RCBTB2: variants seen among roughly 807,000 people sequenced by gnomAD.
The protein encoded by RCBTB2 is RCC1 and BTB domain-containing protein 2.
RCBTB2 carries 55 observed loss-of-function variants against 65.4 expected under a neutral mutation model. The ratio of observed to expected loss-of-function variants is 0.84; its 90% CI spans 0.68 to 1.05. RCBTB2 has a LOEUF of 1.05. RCBTB2 is among the 50% of genes least tolerant of loss of function. The pLI is 0.00. For synonymous variants in RCBTB2, 220 were observed against 255.2 expected, an observed-to-expected ratio of 0.86 and a Z score of 1.31; for missense variants, 599 against 680.1, an observed-to-expected ratio of 0.88 and a Z score of 1.33.
chr13:48,513,123 C>G (rs1261841310), intron 6 of RCBTB2, among the ~76,000 whole-genome samples: 1 of 152,130 alleles, frequency 6.6e-6, no homozygotes, highest in African/African-American at 2.4e-5. Context: ...GTTATAATAA[C>G]TGGAAAATAA....
At chr13:48,498,540 G>C (rs750190692) in intron 13 of RCBTB2, among the ~76,000 whole-genome samples, 13 of 152,156 alleles carry the variant, frequency 8.5e-5, no homozygotes, top group Non-Finnish European at 1.8e-4. Flanking sequence ...AGACCAGCCT[G>C]ACCAACACGG....
At chr13:48,527,167 G>A (rs1951786668) in intron 1 of RCBTB2, among the ~76,000 whole-genome samples, 1 of 150,998 alleles carries the variant, frequency 6.6e-6, no homozygotes, top group African/African-American at 2.4e-5. Context: ...CAACAGTATT[G>A]GGAAGATTTT....
chr13:48,499,351 A>T (rs1399643111), intron 13 of RCBTB2, among the ~76,000 whole-genome samples: 2 of 152,146 alleles, frequency 1.3e-5, no homozygotes, highest in Admixed American at 6.5e-5. Flanking sequence ...AGACACGGGG[A>T]TCTGCTGCAT....
At chr13:48,496,394 C>A in intron 13 of RCBTB2, 73 bp from the exon 14 acceptor site, 1 of 1,402,844 alleles carries the variant, frequency 7.1e-7, no homozygotes. Context: ...CTCAGCCACT[C>A]AGAGATGATT....
intron 11 of RCBTB2, 73 bp from the exon 12 acceptor site, chr13:48,501,941 A>G (rs1950255794): frequency 7.5e-7 from 1 of 1,342,146 alleles, no homozygotes; most frequent in African/African-American, 1.5e-5. Context: ...ATATGGCACT[A>G]CTCTACTGGT....
chr13:48,513,281 G>T (rs964509311), intron 6 of RCBTB2, among the ~76,000 whole-genome samples: 4 of 151,978 alleles, frequency 2.6e-5, no homozygotes, highest in African/African-American at 9.7e-5. Context: ...AAAAATCTTT[G>T]TTATTATTTA....
chr13:48,502,601 A>G, intron 11 of RCBTB2, 123 bp downstream of exon 11: 1 of 936,182 alleles, frequency 1.1e-6, no homozygotes, highest in Non-Finnish European at 1.6e-6. Flanking sequence ...CCTTTTGTAG[A>G]AGCCCATCAG....
chr13:48,502,580 A>T (rs1468345035), intron 11 of RCBTB2, 144 bp downstream of exon 11: 2 of 765,898 alleles, frequency 2.6e-6, no homozygotes, highest in African/African-American at 3.6e-5. Flanking sequence ...TGAAGAAAAT[A>T]AAATTAGTTC....
chr13:48,532,600 A>G (rs936789847), intron 1 of RCBTB2: 12 of 189,692 alleles, frequency 6.3e-5, no homozygotes, highest in South Asian at 4.0e-4. Context: ...GTGGGAGCTT[A>G]GGATGAGAGC....
chr13:48,492,696 C>T (rs1345204682), intron 14 of RCBTB2: 1 of 151,074 alleles, frequency 6.6e-6, no homozygotes, highest in East Asian at 1.9e-4. Flanking sequence ...CTTTCTTTCC[C>T]AGCCTGCAGG....
chr13:48,527,737 A>C (rs1951886224), intron 1 of RCBTB2, among the ~76,000 whole-genome samples: 10 of 152,202 alleles, frequency 6.6e-5, no homozygotes, highest in Admixed American at 6.5e-4. Flanking sequence ...TTTTTAAAGT[A>C]TCCCTGTTTG....
In RCBTB2 at chr13:48,490,135, G is replaced by A; in HGVS notation, c.1632C>T (p.Ser544=). The A allele has an allele frequency of 9.3e-6, 15 of 1,614,078 alleles. No homozygotes were observed. Among genetic ancestry groups the A allele is most frequent in the Non-Finnish European group, 1.3e-5 (15 of 1,179,972 alleles). ...ATCAATTTTTAAAGGCTCCAACTCT[G>A]CTTGCTTTGCTGATAAAGTTCTTCA... The part of the protein sequence containing the change: ...DLLKNFISKA[S]RVGAFKN The change falls in exon 15 of 15, where the codon AGC becomes AGT. Residue 544 remains serine (S), a synonymous_variant. Coordinates refer to ENST00000344532, the MANE Select transcript of RCBTB2 (RefSeq NM_001268.4).
At chr13:48,494,885 A>C (rs1012657337) in intron 14 of RCBTB2, among the ~76,000 whole-genome samples, 1 of 152,020 alleles carries the variant, frequency 6.6e-6, no homozygotes, top group African/African-American at 2.4e-5. Context: ...ATGTTAAGTG[A>C]AAAAAAATCT....
At chr13:48,532,769 G>C (rs1390155173) in intron 1 of RCBTB2, 3 of 307,520 alleles carry the variant, frequency 9.8e-6, no homozygotes, top group East Asian at 1.4e-4. Context: ...GCGCAGGGCC[G>C]CCTCTGCCTG....
intron 14 of RCBTB2, among the ~76,000 whole-genome samples, chr13:48,495,326 C>A (rs1949920571): frequency 6.6e-6 from 1 of 152,000 alleles, no homozygotes; most frequent in Admixed American, 6.6e-5. Context: ...AGTTTTCAGT[C>A]TTTTTTTCTA....
In RCBTB2 at chr13:48,510,752, T is replaced by C. The variant is rs1229321140; in HGVS notation, c.803A>G (p.His268Arg). The C allele has an allele frequency of 1.9e-6, 3 of 1,613,026 alleles. No homozygotes were observed. Among genetic ancestry groups the C allele is most frequent in the Non-Finnish European group, 2.5e-6 (3 of 1,179,262 alleles). ...RVQRVACGYA[H>R]TLVLTDEGQV... ...GCCTTCATCTGTTAATACTAATGTG[T>C]GTGCGTAGCCACAGGCGACCTGGAA... Residue 268 changes from histidine (H) to arginine (R), a missense_variant, in exon 10 of 15, where the codon CAC becomes CGC. Physicochemically the swap from His to Arg is conservative, Grantham distance 29 (BLOSUM62 0). Transcript: ENST00000344532.
At chr13:48,517,810 G>C (rs923862403) in intron 4 of RCBTB2, among the ~76,000 whole-genome samples, 1 of 152,196 alleles carries the variant, frequency 6.6e-6, no homozygotes, top group African/African-American at 2.4e-5. Context: ...TCCCCCCAAA[G>C]TCCAAATCCA....
At chr13:48,512,615 T>G in intron 7 of RCBTB2, 114 bp downstream of exon 7, 1 of 898,832 alleles carries the variant, frequency 1.1e-6, no homozygotes. Flanking sequence ...AAAATAAGGC[T>G]GAATTTGAGG....
At chr13:48,526,727 C>CCAACA (rs112567042) in intron 1 of RCBTB2, among the ~76,000 whole-genome samples, 7,411 of 151,574 alleles carry the variant, frequency 0.049, 445 homozygotes, top group African/African-American at 0.14. Flanking sequence ...ACCAGCCTGG[C>CCAACA]CAACATGGTG....
Sources: allele counts gnomAD v4.1 joint callset (sites outside exome capture counted in the v4.1 genomes callset), GRCh38; gene constraint gnomAD v4.1.1; transcripts MANE v1.5; gene names NCBI Gene and HGNC (gene_info 2026-07-23, HGNC 2026-07-21).